POLA2: variants seen among roughly 807,000 people sequenced by gnomAD.
The protein encoded by POLA2 is DNA polymerase alpha subunit B.
Under a neutral mutation model 82.8 loss-of-function variants are expected in POLA2, and 47 were observed. The observed-to-expected ratio is 0.57, with a 90% confidence interval of 0.45 to 0.72. POLA2 has a LOEUF of 0.72. POLA2 is among the 30% of genes least tolerant of loss of function. The pLI is 0.00. For missense variants in POLA2, 634 were observed against 728.1 expected, an observed-to-expected ratio of 0.87 and a Z score of 1.49; for synonymous variants, 287 against 286.8, an observed-to-expected ratio of 1.00 and a Z score of -0.01.
intron 4 of POLA2, among the ~76,000 whole-genome samples, chr11:65,272,740 G>C (rs1241839041): frequency 6.6e-6 from 1 of 152,192 alleles, no homozygotes; most frequent in Non-Finnish European, 1.5e-5. Context: ...CGGCCACTGC[G>C]GTGGCTCACG....
downstream of POLA2, among the ~76,000 whole-genome samples, chr11:65,301,451 GC>G (rs1949859158): frequency 6.6e-6 from 1 of 151,810 alleles, no homozygotes; most frequent in African/African-American, 2.4e-5. Flanking sequence ...CAGGGGAGGG[GC>G]CTGGGTCTGT....
At position 65,286,151 on chromosome 11, in the gene POLA2, A is replaced by T. The variant is rs1474774701; in HGVS notation, c.1007-1565A>T. Among the ~76,000 whole-genome samples the T allele has an allele frequency of 2.0e-5, 3 of 152,272 alleles. No individual in the cohort carries two copies. The East Asian group carries it at 5.8e-4, about 29-fold the overall frequency. ...AAGAGAATCAGAGTCAGAGCTTAGA[A>T]ATGTTAGGCTGCTGTGATTTGAGGA... is the stretch of plus-strand genomic sequence containing the variant. On this transcript the variant is annotated intron_variant, in intron 10 of 17. Transcript: ENST00000265465.
chr11:65,263,288 C>T (rs1949420984), intron 1 of POLA2, among the ~76,000 whole-genome samples: 1 of 144,214 alleles, frequency 6.9e-6, no homozygotes, highest in African/African-American at 2.6e-5. Context: ...GGTGCAATCT[C>T]GGCTCACTTC....
chr11:65,265,282 A>G (rs1192566353), intron 1 of POLA2, among the ~76,000 whole-genome samples: 1 of 151,080 alleles, frequency 6.6e-6, no homozygotes, highest in Non-Finnish European at 1.5e-5. Flanking sequence ...CCTTAAATCC[A>G]TTTCAGTAAG....
intron 8 of POLA2, among the ~76,000 whole-genome samples, chr11:65,305,113 G>T (rs1048544157): frequency 3.3e-5 from 5 of 151,234 alleles, no homozygotes; most frequent in African/African-American, 1.2e-4. Context: ...TCCATCTCCA[G>T]CTCTCACACC....
At chr11:65,276,239 T>C (rs1480706116) in intron 5 of POLA2, among the ~76,000 whole-genome samples, 1 of 152,228 alleles carries the variant, frequency 6.6e-6, no homozygotes, top group African/African-American at 2.4e-5. Flanking sequence ...CTAGGGCTCA[T>C]TTCCTAGATC....
chr11:65,264,806 C>T (rs1949440588), intron 1 of POLA2, among the ~76,000 whole-genome samples: 1 of 152,224 alleles, frequency 6.6e-6, no homozygotes, highest in Non-Finnish European at 1.5e-5. Flanking sequence ...TCCTGTCTTA[C>T]ATATTTTCTA....
Position 65,262,322 on chromosome 11 carries a change from G to A in POLA2, c.30G>A (p.Glu10=), listed in dbSNP as rs1023355500. 1 of 1,613,824 alleles carries A rather than the reference G, an allele frequency of 6.2e-7. No homozygotes were observed. Among genetic ancestry groups the A allele is most frequent in the South Asian group, 1.1e-5 (1 of 91,026 alleles). Residue 10 remains glutamate (E), a synonymous_variant, in exon 1 of 18, where the codon GAG becomes GAA. Transcript: ENST00000265465. MSASAQQLA[E]ELQIFGLDCE... is the part of the protein sequence containing the mutation. ...CCGCATCCGCCCAGCAGCTGGCGGA[G>A]GAGCTGCAGATCTTCGGCCTAGACT... is the stretch of plus-strand genomic sequence containing the variant.
chr11:65,282,572 G>A (rs373114187), intron 10 of POLA2, 51 bp downstream of exon 10: 325 of 1,459,536 alleles, frequency 2.2e-4, no homozygotes, highest in Non-Finnish European at 3.1e-4. Flanking sequence ...TGGTAGACAT[G>A]AGTCCAGGAG....
intron 1 of POLA2, among the ~76,000 whole-genome samples, chr11:65,263,029 G>A (rs1469330093): frequency 2.0e-5 from 3 of 150,164 alleles, no homozygotes; most frequent in Non-Finnish European, 4.4e-5. Context: ...AGCAGTGTAA[G>A]GAGTCATTTG....
At chr11:65,279,810 G>A in intron 7 of POLA2, 184 bp downstream of exon 7, 2 of 539,998 alleles carry the variant, frequency 3.7e-6, no homozygotes, top group Non-Finnish European at 6.5e-6. Context: ...TGGTTTTGTG[G>A]CCAGAGAGTG....
chr11:65,300,542 G>A (rs536859761), downstream of POLA2, among the ~76,000 whole-genome samples: 54 of 152,086 alleles, frequency 3.6e-4, no homozygotes, highest in Admixed American at 1.1e-3. Context: ...ATGAGACACC[G>A]TGCCTGGCCC....
chr11:65,295,539 G>A lies in POLA2; in HGVS notation c.1461-1G>A. ...TTTTCATGCTTTCTTTTCTTTCCCA[G>A]TTCTTCCGGAACTTCAGACAGATTC... On this transcript the variant is annotated splice_acceptor_variant, in intron 15 of 17. Coordinates refer to ENST00000265465, the MANE Select transcript of POLA2 (RefSeq NM_002689.4). LOFTEE classifies it high-confidence loss of function. 3 of 1,613,460 alleles carry A rather than the reference G, an allele frequency of 1.9e-6. No individual in the cohort carries two copies. Among genetic ancestry groups the A allele is most frequent in the Non-Finnish European group, 2.5e-6 (3 of 1,179,532 alleles).
intron 8 of POLA2, among the ~76,000 whole-genome samples, chr11:65,304,311 C>T (rs1949874625): frequency 6.6e-6 from 1 of 151,928 alleles, no homozygotes; most frequent in African/African-American, 2.4e-5. Flanking sequence ...ACCCACCCAC[C>T]CACTCATCCA....
downstream of POLA2, among the ~76,000 whole-genome samples, chr11:65,302,915 A>G (rs1391604283): frequency 2.6e-5 from 4 of 151,798 alleles, no homozygotes; most frequent in African/African-American, 9.7e-5. Context: ...TTTGATAGAG[A>G]CAGTTTCGCC....
intron 15 of POLA2, among the ~76,000 whole-genome samples, chr11:65,295,182 G>A (rs1201414576): frequency 6.6e-6 from 1 of 152,236 alleles, no homozygotes; most frequent in Non-Finnish European, 1.5e-5. Flanking sequence ...CGAGACGGGT[G>A]CGGCTCCTTG....
intron 4 of POLA2, among the ~76,000 whole-genome samples, chr11:65,272,405 C>G (rs914449404): frequency 2.6e-5 from 4 of 152,198 alleles, no homozygotes; most frequent in African/African-American, 7.2e-5. Context: ...AGGTGTCCCT[C>G]TGCTATAGAG....
chr11:65,264,401 C>T (rs1949435573), intron 1 of POLA2, among the ~76,000 whole-genome samples: 1 of 152,090 alleles, frequency 6.6e-6, no homozygotes, highest in African/African-American at 2.4e-5. Context: ...GACAAGGTTT[C>T]ACCATGTTGG....
chr11:65,292,701 TTC>T (rs1224350753), intron 13 of POLA2, among the ~76,000 whole-genome samples: 1 of 152,196 alleles, frequency 6.6e-6, no homozygotes, highest in African/African-American at 2.4e-5. Context: ...GATTCTGATT[TTC>T]TGTTATAGAC....
Sources: gnomAD v4.1 joint callset for allele counts (sites outside exome capture counted in the v4.1 genomes callset) on GRCh38, gnomAD v4.1.1 for gene constraint, MANE v1.5 for transcripts, NCBI Gene and HGNC (gene_info 2026-07-23, HGNC 2026-07-21) for gene names.